The following FREM1 variants were observed in gnomAD, a reference collection of about 807,000 sequenced individuals.
FREM1 encodes the protein FRAS1-related extracellular matrix protein 1.
In FREM1, 220 loss-of-function variants were observed where a neutral mutation model predicts 210.1. That is an observed-to-expected ratio of 1.05 (90% confidence interval 0.94 to 1.17). FREM1 has a LOEUF of 1.17. FREM1 is among the 50% of genes most tolerant of loss of function. The pLI is 0.00. For missense variants in FREM1, 3,454 were observed against 2,675.5 expected (o/e 1.29, Z -6.42); for synonymous variants, 1,189 against 980.2 (o/e 1.21, Z -3.98).
chr9:14,774,143 C>T (rs1288423096), intron 25 of FREM1: 1 of 518,814 alleles, frequency 1.9e-6, no homozygotes, highest in Non-Finnish European at 3.8e-6. Context: ...TCCTGACTGC[C>T]AAGGACTCAT....
At chr9:14,829,789 T>G (rs1424905941) in intron 10 of FREM1, among the ~76,000 whole-genome samples, 1 of 152,242 alleles carries the variant, frequency 6.6e-6, no homozygotes, top group Non-Finnish European at 1.5e-5. Flanking sequence ...TCAACTTGCT[T>G]TTGAAAAACA....
chr9:14,761,225 T>A (rs1845437581), intron 27 of FREM1, among the ~76,000 whole-genome samples: 1 of 152,154 alleles, frequency 6.6e-6, no homozygotes, highest in Non-Finnish European at 1.5e-5. Flanking sequence ...TCATGTGTCA[T>A]AATCACGTTC....
chr9:14,774,050 C>T, intron 25 of FREM1: 1 of 508,002 alleles, frequency 2.0e-6, no homozygotes, highest in Non-Finnish European at 3.9e-6. Flanking sequence ...AATTTTAATA[C>T]AAAGTGCTTC....
Position 14,770,598 on chromosome 9 carries a change from C to T in FREM1, c.5059+7G>A, listed in dbSNP as rs752908964. ...ATGGCAATTGTAAGGATTAAGGAGG[C>T]CAGTACCTGTTGTTGTGTTCTCCAG... On this transcript the variant is annotated splice_region_variant and intron_variant, in intron 26 of 36. Coordinates refer to ENST00000380880, the MANE Select transcript of FREM1 (RefSeq NM_001379081.2). The T allele has an allele frequency of 6.2e-7, 1 of 1,603,554 alleles. No homozygotes were observed. Among genetic ancestry groups the T allele is most frequent in the Non-Finnish European group, 8.5e-7 (1 of 1,171,160 alleles).
intron 1 of FREM1, among the ~76,000 whole-genome samples, chr9:14,869,844 G>C (rs901366086): frequency 6.6e-6 from 1 of 152,186 alleles, no homozygotes; most frequent in African/African-American, 2.4e-5. Flanking sequence ...CTGTTTATGT[G>C]TGAAAGGGAC....
intron 15 of FREM1, among the ~76,000 whole-genome samples, chr9:14,815,042 A>G (rs1269346380): frequency 2.0e-5 from 3 of 152,248 alleles, no homozygotes; most frequent in Non-Finnish European, 4.4e-5. Context: ...TGAAGCTGCA[A>G]TAACATACTG....
At chr9:14,795,000 A>G (rs1852107584) in intron 21 of FREM1, among the ~76,000 whole-genome samples, 3 of 30,066 alleles carry the variant, frequency 1.0e-4, no homozygotes, top group Admixed American at 3.1e-4. Context: ...TTTCTCTCAA[A>G]AAAAAAAAAA....
intron 25 of FREM1, among the ~76,000 whole-genome samples, chr9:14,774,660 G>A (rs545211446): frequency 6.6e-6 from 1 of 152,218 alleles, no homozygotes; most frequent in Admixed American, 6.5e-5. Flanking sequence ...GTGTGTAGAA[G>A]AGGGTGAACT....
At chr9:14,840,379 C>T (rs1294165763) in intron 10 of FREM1, among the ~76,000 whole-genome samples, 3 of 152,154 alleles carry the variant, frequency 2.0e-5, no homozygotes, top group African/African-American at 7.2e-5. Flanking sequence ...AGGCAATTTA[C>T]AAAAGAAAGA....
In FREM1 at chr9:14,824,920, C is replaced by T. The variant is rs769291979; in HGVS notation, c.1954G>A (p.Val652Ile). ...KEAPGVSRHL[V>I]VKETEVAYIT... ...TAGGCCACCTCAGTTTCCTTGACAACCAAATGCCGAGAAACTCCAGGAGCC... is the reference window on the plus strand; with the variant it reads ...TAGGCCACCTCAGTTTCCTTGACAATCAAATGCCGAGAAACTCCAGGAGCC... Residue 652 changes from valine to isoleucine, a missense_variant, in exon 11 of 37, where the codon GTT becomes ATT. Transcript: ENST00000380880. 9 of 1,610,700 alleles carry T rather than the reference C, an allele frequency of 5.6e-6. No homozygotes were observed. In the East Asian group the frequency reaches 2.0e-4, roughly 36 times the overall value.
chr9:14,867,951 C>A (rs1443963985), intron 2 of FREM1, among the ~76,000 whole-genome samples: 1 of 152,126 alleles, frequency 6.6e-6, no homozygotes, highest in Non-Finnish European at 1.5e-5. Context: ...GGAGGTAACT[C>A]TTCACTCTAC....
chr9:14,788,158 A>G (rs1349237780), intron 23 of FREM1, among the ~76,000 whole-genome samples: 2 of 152,198 alleles, frequency 1.3e-5, no homozygotes, highest in Admixed American at 6.5e-5. Context: ...ATTATGCTTC[A>G]TCCTGGGAAT....
intron 21 of FREM1, among the ~76,000 whole-genome samples, chr9:14,795,228 AT>A (rs1852156713): frequency 6.6e-6 from 1 of 152,184 alleles, no homozygotes; most frequent in African/African-American, 2.4e-5. Context: ...TACATATTTT[AT>A]TTAATCCTTG....
Position 14,823,148 on chromosome 9 carries a change from C to T in FREM1, c.2337+12G>A. 1 of 1,608,294 alleles carries T rather than the reference C, an allele frequency of 6.2e-7. No individual in the cohort carries two copies. Among genetic ancestry groups the T allele is most frequent in the Non-Finnish European group, 8.5e-7 (1 of 1,174,982 alleles). On this transcript the variant is annotated intron_variant, in intron 13 of 36. Transcript: ENST00000380880. ...CCTCCTTTTCATCCTCTATATAGAA[C>T]ATTGTACATACCTCAGGAACTTGAT...
At chr9:14,856,066 G>A (rs573636851) in intron 5 of FREM1, among the ~76,000 whole-genome samples, 1 of 152,146 alleles carries the variant, frequency 6.6e-6, no homozygotes, top group African/African-American at 2.4e-5. Flanking sequence ...TGCAAACCTG[G>A]CTAATGAGTT....
upstream of FREM1, chr9:14,910,565 A>G: frequency 6.5e-6 from 1 of 153,428 alleles, no homozygotes; most frequent in Non-Finnish European, 1.5e-5. Context: ...TCACAGAGGT[A>G]CACACACAGG....
chr9:14,898,274 T>C (rs759038760), intron 1 of FREM1, among the ~76,000 whole-genome samples: 2 of 152,240 alleles, frequency 1.3e-5, no homozygotes, highest in Non-Finnish European at 2.9e-5. Flanking sequence ...CATGTGATAC[T>C]ATCTGTCAAT....
At chr9:14,757,839 A>G (rs1844716839) in intron 28 of FREM1, among the ~76,000 whole-genome samples, 1 of 152,156 alleles carries the variant, frequency 6.6e-6, no homozygotes, top group South Asian at 2.1e-4. Flanking sequence ...AAAGGGGATT[A>G]CCTTCCTAAG....
intron 22 of FREM1, among the ~76,000 whole-genome samples, chr9:14,791,325 G>A (rs149292801): frequency 6.6e-6 from 1 of 152,250 alleles, no homozygotes; most frequent in East Asian, 1.9e-4. Context: ...TAAAACCCAG[G>A]TGACCTACCC....
Sources: gnomAD v4.1 joint callset for allele counts (sites outside exome capture counted in the v4.1 genomes callset) on GRCh38, gnomAD v4.1.1 for gene constraint, MANE v1.5 for transcripts, NCBI Gene and HGNC (gene_info 2026-07-23, HGNC 2026-07-21) for gene names.